The following EIF4E variants were observed in gnomAD, a reference collection of about 807,000 sequenced individuals.
EIF4E encodes the protein eukaryotic translation initiation factor 4E, also known as eIF-4F 25 kDa subunit.
For synonymous variants in EIF4E, 71 were observed against 88.5 expected, an observed-to-expected ratio of 0.80 and a Z score of 1.11; for missense variants, 113 against 265.6, an observed-to-expected ratio of 0.43 and a Z score of 3.99.
At position 98,880,896 on chromosome 4, in the gene EIF4E, T is replaced by C. The variant is rs1465006683; in HGVS notation, c.*132A>G. 1 of 1,480,256 alleles carries C rather than the reference T, an allele frequency of 6.8e-7. No individual in the cohort carries two copies. The allele number at this position is 1,480,256 out of a possible 1,614,324, so 91.7% of individuals were successfully genotyped here. ...ACAAAGGCGAATGAGACTTCTCTTATATCTGAGTAACATTAAGATGGAAAT... is the reference window on the plus strand; with the variant it reads ...ACAAAGGCGAATGAGACTTCTCTTACATCTGAGTAACATTAAGATGGAAAT... On this transcript the variant is annotated 3_prime_UTR_variant, in exon 7 of 7. Transcript: ENST00000450253.
At chr4:98,901,510 G>A (rs1303965910) in intron 2 of EIF4E, among the ~76,000 whole-genome samples, 5 of 152,026 alleles carry the variant, frequency 3.3e-5, no homozygotes, top group Non-Finnish European at 5.9e-5. Flanking sequence ...CGCGTTGGGC[G>A]ACCACCACTG....
chr4:98,902,679 T>A (rs1432544370), intron 1 of EIF4E, among the ~76,000 whole-genome samples: 1 of 152,128 alleles, frequency 6.6e-6, no homozygotes, highest in Non-Finnish European at 1.5e-5. Flanking sequence ...GGATACAGGA[T>A]GGAAACTAAA....
intron 2 of EIF4E, among the ~76,000 whole-genome samples, chr4:98,896,671 A>C (rs1255868286): frequency 2.5e-5 from 1 of 40,754 alleles, no homozygotes; most frequent in Non-Finnish European, 4.1e-5. Flanking sequence ...CTCTTCCAAA[A>C]AAAAAAAAAA....
intron 1 of EIF4E, among the ~76,000 whole-genome samples, chr4:98,911,661 CA>C (rs767631331): frequency 0.1 from 6,162 of 59,886 alleles, 211 homozygotes; most frequent in East Asian, 0.4. Context: ...AACTCTGTCT[CA>C]AAAAAAAAAA....
intron 2 of EIF4E, among the ~76,000 whole-genome samples, chr4:98,896,122 G>A (rs1484174846): frequency 6.6e-6 from 1 of 152,044 alleles, no homozygotes; most frequent in Non-Finnish European, 1.5e-5. Flanking sequence ...CTTGAACCTG[G>A]GAGGCGGAGG....
At chr4:98,912,679 G>A (rs941953443) in intron 1 of EIF4E, among the ~76,000 whole-genome samples, 2 of 152,064 alleles carry the variant, frequency 1.3e-5, no homozygotes, top group East Asian at 1.9e-4. Context: ...TACAACCAGT[G>A]CACAAAACTG....
intron 1 of EIF4E, chr4:98,909,439 C>G (rs1367757960): frequency 4.2e-6 from 2 of 481,612 alleles, no homozygotes; most frequent in Middle Eastern, 1.1e-3. Flanking sequence ...TAAAAAGAAT[C>G]ACGTTCTCAC....
chr4:98,927,201 T>G (rs1054856784), intron 1 of EIF4E, among the ~76,000 whole-genome samples: 4 of 152,152 alleles, frequency 2.6e-5, no homozygotes, highest in African/African-American at 4.8e-5. Context: ...TCAGTCAATT[T>G]AATTCCCAGG....
chr4:98,909,743 T>C, intron 1 of EIF4E: 2 of 705,184 alleles, frequency 2.8e-6, no homozygotes, highest in Non-Finnish European at 5.2e-6. Flanking sequence ...TCAGCTCTCA[T>C]TTTTTTTCTT....
intron 3 of EIF4E, 66 bp from the exon 4 acceptor site, chr4:98,888,018 T>G (rs1192496550): frequency 7.8e-7 from 1 of 1,278,594 alleles, no homozygotes; most frequent in African/African-American, 1.5e-5. Flanking sequence ...TGCTTACATA[T>G]ATATACATTT....
chr4:98,900,966 A>G (rs1033040583), intron 2 of EIF4E, among the ~76,000 whole-genome samples: 1 of 152,140 alleles, frequency 6.6e-6, no homozygotes, highest in Non-Finnish European at 1.5e-5. Context: ...ATACATCTGT[A>G]TATCTCCTAT....
At chr4:98,886,991 T>C (rs1723951246) in intron 5 of EIF4E, 88 bp downstream of exon 5, 2 of 1,332,346 alleles carry the variant, frequency 1.5e-6, no homozygotes, top group African/African-American at 3.0e-5. Context: ...TTCTCTTAAA[T>C]TAAGTAACAA....
Position 98,886,189 on chromosome 4 carries a change from A to G in EIF4E, c.399+890T>C, listed in dbSNP as rs186434308. Among the ~76,000 whole-genome samples the G allele has an allele frequency of 1.2e-3, 184 of 152,246 alleles. 1 individual carries two copies. Among genetic ancestry groups the G allele is most frequent in the Non-Finnish European group, 1.1e-3 (72 of 68,006 alleles). On this transcript the variant is annotated intron_variant, in intron 5 of 6. Coordinates refer to ENST00000450253, the MANE Select transcript of EIF4E (RefSeq NM_001968.5). ...GTCACTTATTCAAACATTTAAAGTG[A>G]TTAACTTAACAAGTGCTAACTATAA... is the stretch of plus-strand genomic sequence containing the variant.
chr4:98,928,287 C>T (rs771467740), intron 1 of EIF4E, among the ~76,000 whole-genome samples: 55 of 152,060 alleles, frequency 3.6e-4, no homozygotes, highest in Non-Finnish European at 7.2e-4. Context: ...TCCCCCTTCC[C>T]TCCTCCATGA....
chr4:98,914,791 C>T (rs1485346084), intron 1 of EIF4E, among the ~76,000 whole-genome samples: 1 of 152,130 alleles, frequency 6.6e-6, no homozygotes, highest in African/African-American at 2.4e-5. Flanking sequence ...GTGACAATAA[C>T]GTCAATTTAG....
intron 1 of EIF4E, among the ~76,000 whole-genome samples, chr4:98,907,515 C>T (rs113551756): frequency 4.9e-4 from 75 of 152,268 alleles, no homozygotes; most frequent in African/African-American, 1.7e-3. Context: ...TTCTGTGCTT[C>T]CAAATAATGC....
At chr4:98,889,278 C>T (rs182139488) in intron 3 of EIF4E, among the ~76,000 whole-genome samples, 1 of 152,202 alleles carries the variant, frequency 6.6e-6, no homozygotes, top group African/African-American at 2.4e-5. Flanking sequence ...TGAGTCACTA[C>T]CTAATGGTAA....
chr4:98,902,174 C>T (rs886885608), intron 1 of EIF4E, among the ~76,000 whole-genome samples, 192 bp from the exon 2 acceptor site: 2 of 152,086 alleles, frequency 1.3e-5, no homozygotes, highest in Non-Finnish European at 2.9e-5. Context: ...CAGGTTCAAG[C>T]AGTTCTCCTG....
intron 1 of EIF4E, among the ~76,000 whole-genome samples, chr4:98,902,539 T>C (rs1050091894): frequency 6.6e-6 from 1 of 152,050 alleles, no homozygotes; most frequent in African/African-American, 2.4e-5. Flanking sequence ...ATCCTTCCAC[T>C]TGCACTTTTT....
Sources: allele counts gnomAD v4.1 joint callset (sites outside exome capture counted in the v4.1 genomes callset), GRCh38; gene constraint gnomAD v4.1.1; transcripts MANE v1.5; gene names NCBI Gene and HGNC (gene_info 2026-07-23, HGNC 2026-07-21).